Variants in SLC10A7 observed in about 807,000 individuals in gnomAD.
SLC10A7 encodes the protein solute carrier family 10 member 7.
SLC10A7 carries 29 observed loss-of-function variants against 43.2 expected under a neutral mutation model. The observed-to-expected ratio is 0.67, with a 90% CI of 0.50 to 0.92. The LOEUF (loss-of-function observed/expected upper bound fraction) is 0.92. Ranked by LOEUF, SLC10A7 falls within the 40% of genes least tolerant of loss-of-function variation. SLC10A7 has a pLI of 0.00. For missense variants in SLC10A7, 295 were observed against 403.2 expected (o/e 0.73, Z 2.30); for synonymous variants, 152 against 144.8 (o/e 1.05, Z -0.35).
intron 5 of SLC10A7, among the ~76,000 whole-genome samples, chr4:146,403,494 T>C (rs1003204016): frequency 1.3e-5 from 2 of 152,162 alleles, no homozygotes; most frequent in Admixed American, 1.3e-4. Flanking sequence ...AGAGGACACC[T>C]TTCAGGTTCC....
chr4:146,516,485 T>G (rs568620119), intron 2 of SLC10A7, among the ~76,000 whole-genome samples: 45 of 148,118 alleles, frequency 3.0e-4, no homozygotes, highest in African/African-American at 1.0e-3. Context: ...TGTGTATATA[T>G]ATACACATAT....
intron 5 of SLC10A7, among the ~76,000 whole-genome samples, chr4:146,342,067 C>A (rs1385864122): frequency 6.6e-6 from 1 of 151,772 alleles, no homozygotes; most frequent in African/African-American, 2.4e-5. Flanking sequence ...ACTCATCCAT[C>A]TAGCCTAGCG....
chr4:146,503,143 A>G (rs1181350610), intron 4 of SLC10A7, among the ~76,000 whole-genome samples: 6 of 152,368 alleles, frequency 3.9e-5, no homozygotes, highest in Admixed American at 2.0e-4. Flanking sequence ...GCAGAATCCT[A>G]AGAATGAACT....
intron 6 of SLC10A7, among the ~76,000 whole-genome samples, chr4:146,324,683 C>T (rs1268284798): frequency 1.3e-5 from 2 of 152,068 alleles, no homozygotes; most frequent in Non-Finnish European, 2.9e-5. Flanking sequence ...TCCTGTGATC[C>T]CAGGTCTTGG....
At chr4:146,345,382 T>C (rs969760057) in intron 5 of SLC10A7, among the ~76,000 whole-genome samples, 5 of 152,162 alleles carry the variant, frequency 3.3e-5, no homozygotes, top group Non-Finnish European at 7.4e-5. Flanking sequence ...AGTTTCCCAC[T>C]GGTCTTTAAG....
intron 10 of SLC10A7, among the ~76,000 whole-genome samples, chr4:146,280,170 A>T (rs1560757495): frequency 6.6e-6 from 1 of 152,188 alleles, no homozygotes; most frequent in Non-Finnish European, 1.5e-5. Flanking sequence ...GATGTTAAAG[A>T]TGTGTATACA....
chr4:146,354,144 A>G (rs1735370963), intron 5 of SLC10A7, among the ~76,000 whole-genome samples: 2 of 145,862 alleles, frequency 1.4e-5, no homozygotes, highest in East Asian at 2.1e-4. Context: ...AAACCCCATC[A>G]TCTCCGCCCA....
At chr4:146,426,853 T>C (rs570087409) in intron 5 of SLC10A7, among the ~76,000 whole-genome samples, 121 of 152,272 alleles carry the variant, frequency 7.9e-4, no homozygotes, top group African/African-American at 2.8e-3. Flanking sequence ...CCAGCCTGGG[T>C]GACAGAGTGA....
intron 6 of SLC10A7, among the ~76,000 whole-genome samples, chr4:146,325,343 A>C (rs1578886377): frequency 6.6e-6 from 1 of 152,236 alleles, no homozygotes. Context: ...TCATATGCTT[A>C]GTGCCAAAAG....
At chr4:146,318,815 C>T (rs1045891031) in intron 6 of SLC10A7, among the ~76,000 whole-genome samples, 9 of 67,800 alleles carry the variant, frequency 1.3e-4, no homozygotes, top group African/African-American at 7.5e-4. Flanking sequence ...GGCAACTCTA[C>T]ACTTCCAGCT....
chr4:146,350,994 C>T (rs1298101251), intron 5 of SLC10A7, among the ~76,000 whole-genome samples: 5 of 150,420 alleles, frequency 3.3e-5, no homozygotes, highest in Admixed American at 6.6e-5. Flanking sequence ...TTCAAAGGAA[C>T]GCAGTTCCTC....
chr4:146,290,391 A>C (rs1730363201), intron 9 of SLC10A7, among the ~76,000 whole-genome samples: 7 of 151,598 alleles, frequency 4.6e-5, no homozygotes, highest in Admixed American at 4.6e-4. Flanking sequence ...GAGAACAGAG[A>C]ATGAGGCTAT....
intron 5 of SLC10A7, among the ~76,000 whole-genome samples, chr4:146,437,584 A>G (rs1050581381): frequency 1.3e-5 from 2 of 152,120 alleles, no homozygotes; most frequent in Non-Finnish European, 2.9e-5. Flanking sequence ...GTTGATTAAG[A>G]TTTTAAGAAA....
At position 146,510,157 on chromosome 4, in the gene SLC10A7, T is replaced by C. The variant is rs1176523995; in HGVS notation, c.184-108A>G. 1.5e-5 allele frequency: 16 copies of C among 1,039,582 alleles called. No individual in the cohort carries two copies. In the Middle Eastern group the frequency reaches 1.5e-3, roughly 94 times the overall value. The allele number at this position is 1,039,582 out of a possible 1,614,324, so 64.4% of individuals were successfully genotyped here. On this transcript the variant is annotated intron_variant, in intron 2 of 11. Coordinates refer to ENST00000335472, the MANE Select transcript of SLC10A7 (RefSeq NM_001029998.6). Reference sequence around the variant, plus strand: ...AGTTAGTTCTTAATTTTGGGTTTTTTCATAGCTAAAATTTTTATCTATAAG... The same window carrying C: ...AGTTAGTTCTTAATTTTGGGTTTTTCCATAGCTAAAATTTTTATCTATAAG...
intron 6 of SLC10A7, among the ~76,000 whole-genome samples, chr4:146,321,554 C>T (rs1732708251): frequency 6.6e-6 from 1 of 152,106 alleles, no homozygotes; most frequent in South Asian, 2.1e-4. Flanking sequence ...CAATTCAACT[C>T]ACAACAGGGA....
At chr4:146,419,159 G>A (rs115363502) in intron 5 of SLC10A7, among the ~76,000 whole-genome samples, 1,715 of 152,230 alleles carry the variant, frequency 0.011, 25 homozygotes, top group African/African-American at 0.039. Context: ...TCATTATGTA[G>A]GTATGATTGA....
intron 1 of SLC10A7, among the ~76,000 whole-genome samples, chr4:146,520,765 C>A (rs1328728991): frequency 6.6e-6 from 1 of 152,026 alleles, no homozygotes; most frequent in African/African-American, 2.4e-5. Context: ...CAAACAAGGT[C>A]AAAAAGACAA....
chr4:146,466,116 CACTT>C (rs558287676), intron 4 of SLC10A7, among the ~76,000 whole-genome samples: 37 of 152,276 alleles, frequency 2.4e-4, no homozygotes, highest in African/African-American at 8.9e-4. Context: ...ATCCCCAACT[CACTT>C]AATTAAATTC....
chr4:146,390,176 G>A (rs1463484211), intron 5 of SLC10A7, among the ~76,000 whole-genome samples: 1 of 152,138 alleles, frequency 6.6e-6, no homozygotes, highest in Non-Finnish European at 1.5e-5. Context: ...CTCTTTAGTT[G>A]TAAGTAAACC....
Sources: allele counts gnomAD v4.1 joint callset (sites outside exome capture counted in the v4.1 genomes callset), GRCh38; gene constraint gnomAD v4.1.1; transcripts MANE v1.5; gene names NCBI Gene and HGNC (gene_info 2026-07-23, HGNC 2026-07-21).